Variants in CELF2 observed in about 807,000 individuals in gnomAD.
The protein encoded by CELF2 is CUG triplet repeat RNA-binding protein 2.
A neutral mutation model predicts 62.6 loss-of-function variants in CELF2; 8 were observed. That is an observed-to-expected ratio of 0.13 (90% CI 0.07 to 0.23). The LOEUF is 0.23. Among genes scored for constraint, CELF2 ranks in the 10% least tolerant of loss-of-function variants. CELF2 has a pLI of 1.00. For missense variants in CELF2, 333 were observed against 671.0 expected, an observed-to-expected ratio of 0.50 and a Z score of 5.56; for synonymous variants, 258 against 250.0, an observed-to-expected ratio of 1.03 and a Z score of -0.30.
chr10:10,584,077 G>T, the CELF2 span, among the ~76,000 whole-genome samples: 163 of 152,204 alleles, frequency 1.1e-3, 1 homozygote, highest in African/African-American at 3.8e-3. Flanking sequence ...GCGATTAGCA[G>T]GTCTGTGATA....
intron 2 of CELF2, among the ~76,000 whole-genome samples, chr10:11,189,036 T>G (rs1191816182): frequency 6.6e-6 from 1 of 152,180 alleles, no homozygotes; most frequent in African/African-American, 2.4e-5. Flanking sequence ...ATAAATAACT[T>G]TTTTGAGTCC....
chr10:10,822,476 A>C (rs905337714), intron 1 of CELF2, among the ~76,000 whole-genome samples: 8 of 152,234 alleles, frequency 5.3e-5, no homozygotes, highest in Non-Finnish European at 1.0e-4. Flanking sequence ...CTGCTTCACT[A>C]GTTGAGGCAT....
chr10:10,585,904 C>T, the CELF2 span, among the ~76,000 whole-genome samples: 1 of 152,124 alleles, frequency 6.6e-6, no homozygotes, highest in African/African-American at 2.4e-5. Flanking sequence ...ATATTAACAT[C>T]ACCTTGAGAT....
At chr10:10,857,649 G>A (rs1249841632) in intron 1 of CELF2, among the ~76,000 whole-genome samples, 66 of 94,202 alleles carry the variant, frequency 7.0e-4, no homozygotes, top group African/African-American at 1.8e-3. Context: ...CATATATATA[G>A]TATATATATA....
chr10:10,488,344 A>C, the CELF2 span, among the ~76,000 whole-genome samples: 1 of 152,132 alleles, frequency 6.6e-6, no homozygotes. Flanking sequence ...CTGTGACCTC[A>C]TCAGATTATT....
At chr10:10,952,687 A>G (rs1048453125) in intron 2 of CELF2, among the ~76,000 whole-genome samples, 3 of 152,066 alleles carry the variant, frequency 2.0e-5, no homozygotes, top group Admixed American at 1.3e-4. Flanking sequence ...AAAAAAAAAA[A>G]AAGAGGTGGG....
the CELF2 span, among the ~76,000 whole-genome samples, chr10:10,742,337 ATACTCTTTTGGG>A: frequency 6.6e-6 from 1 of 152,150 alleles, no homozygotes. Flanking sequence ...TCTCCTTACA[ATACTCTTTTGGG>A]TGAGTGCTGT....
chr10:10,899,364 A>G lies in CELF2; in HGVS notation c.54-20600A>G, dbSNP rs552948745. Among the ~76,000 whole-genome samples, 90 of 152,306 alleles carry G rather than the reference A, an allele frequency of 5.9e-4. No homozygotes were observed. In the South Asian group the frequency reaches 0.018, roughly 31 times the overall value. On this transcript the variant is annotated intron_variant, in intron 1 of 13. Transcript: ENST00000636488. ...GAAAAACAGCACAGTTTATGAATATAGAAAATGAAAGAGGTGATATCATTA... is the reference window on the plus strand; with the variant it reads ...GAAAAACAGCACAGTTTATGAATATGGAAAATGAAAGAGGTGATATCATTA...
intron 2 of CELF2, among the ~76,000 whole-genome samples, chr10:10,932,861 T>C (rs1454966439): frequency 6.6e-6 from 1 of 152,138 alleles, no homozygotes; most frequent in East Asian, 1.9e-4. Context: ...GCAAGGAATG[T>C]AGAGTGTCTG....
In CELF2 at chr10:11,052,714, T is replaced by G. The variant is rs535608588; in HGVS notation, c.74+34551T>G. 3.2e-4 allele frequency among the ~76,000 whole-genome samples: 49 copies of G among 152,334 alleles called. No homozygotes were observed. The East Asian group carries it at 6.9e-3, about 22-fold the overall frequency. ...ATGGTATCCTTTACAACGAAAGGTC[T>G]TTTTTGTTCATTATCTTGTTTGATC... On this transcript the variant is annotated intron_variant, in intron 1 of 12. Transcript: ENST00000633077.
intron 1 of CELF2, among the ~76,000 whole-genome samples, chr10:10,912,680 T>C (rs1258013963): frequency 6.6e-6 from 1 of 152,184 alleles, no homozygotes; most frequent in Non-Finnish European, 1.5e-5. Flanking sequence ...CGGGGCTTTT[T>C]TTGTTGCTGT....
rs2094919370 is a variant in CELF2 at position 11,315,745 on chromosome 10, C to T, written c.1096+1487C>T. 6.6e-6 allele frequency among the ~76,000 whole-genome samples: 1 copy of T among 152,212 alleles called. No homozygotes were observed. The highest frequency in any genetic ancestry group is 6.5e-5 in the Admixed American group (1 of 15,288). On this transcript the variant is annotated intron_variant, in intron 10 of 12. Coordinates refer to ENST00000633077, the MANE Select transcript of CELF2 (RefSeq NM_001326342.2). This position sits in a 1 kb window ranked among gnomAD's most constrained non-coding sequence, Gnocchi z 5.8. The stretch of plus-strand genomic sequence containing the variant: ...CAGTTAGAACCGCCTCCAGCTTTGA[C>T]TTTTCCAGCAGCCAAGTAGGAGCCT...
At chr10:11,282,642 A>G (rs1444820911) in intron 8 of CELF2, among the ~76,000 whole-genome samples, 5 of 152,224 alleles carry the variant, frequency 3.3e-5, no homozygotes, top group Admixed American at 3.3e-4. Flanking sequence ...GTGTTGACCC[A>G]TTTAATCTCT....
chr10:10,463,152 C>T, the CELF2 span, among the ~76,000 whole-genome samples: 1 of 152,154 alleles, frequency 6.6e-6, no homozygotes, highest in Non-Finnish European at 1.5e-5. Context: ...GTCAGGAGTT[C>T]ATTAGCCAAC....
chr10:11,160,808 C>T (rs1312247339), intron 1 of CELF2, among the ~76,000 whole-genome samples: 2 of 151,944 alleles, frequency 1.3e-5, no homozygotes, highest in Non-Finnish European at 2.9e-5. Flanking sequence ...TTTTAGCATT[C>T]GTATAATAAT....
At chr10:11,301,961 G>A (rs963203919) in intron 9 of CELF2, among the ~76,000 whole-genome samples, 7 of 152,108 alleles carry the variant, frequency 4.6e-5, no homozygotes, top group African/African-American at 9.7e-5. Flanking sequence ...AGCCGCCTCC[G>A]CCTTCGCTGG....
chr10:11,071,506 C>G (rs981320021), intron 1 of CELF2: 1 of 152,160 alleles, frequency 6.6e-6, no homozygotes, highest in Non-Finnish European at 1.5e-5. Flanking sequence ...ACAAAGATAA[C>G]ATCGCAGTTG....
At chr10:10,785,417 G>T in the CELF2 span, among the ~76,000 whole-genome samples, 29 of 152,244 alleles carry the variant, frequency 1.9e-4, no homozygotes, top group African/African-American at 6.5e-4. Flanking sequence ...AGAGATATCT[G>T]CTCTCCCATG....
chr10:10,992,862 G>A (rs539827055), intron 2 of CELF2, among the ~76,000 whole-genome samples: 4 of 152,166 alleles, frequency 2.6e-5, no homozygotes, highest in Admixed American at 1.3e-4. Context: ...TCTGGTGCTG[G>A]AACTTGAAGT....
Sources: allele counts gnomAD v4.1 joint callset (sites outside exome capture counted in the v4.1 genomes callset), GRCh38; gene constraint gnomAD v4.1.1; non-coding constraint Gnocchi (gnomAD v3.1); transcripts MANE v1.5; gene names NCBI Gene and HGNC (gene_info 2026-07-23, HGNC 2026-07-21).